The following MAP3K5 variants were observed in gnomAD, a reference collection of about 807,000 sequenced individuals.
MAP3K5 encodes ASK-1.
A neutral mutation model predicts 158.7 loss-of-function variants in MAP3K5; 56 were observed. The observed-to-expected ratio is 0.35, with a 90% CI of 0.28 to 0.44. MAP3K5 has a LOEUF of 0.44. MAP3K5 is among the 20% of genes least tolerant of loss of function. MAP3K5 has a pLI of 1.00. For missense variants in MAP3K5, 1,294 were observed against 1,674.8 expected (o/e 0.77, Z 3.97); for synonymous variants, 579 against 601.7 (o/e 0.96, Z 0.55).
At chr6:136,746,124 T>C (rs1318350131) in intron 1 of MAP3K5, among the ~76,000 whole-genome samples, 8 of 152,188 alleles carry the variant, frequency 5.3e-5, no homozygotes, top group Non-Finnish European at 1.2e-4. Flanking sequence ...CTTCAAATGA[T>C]TTAATATCTT....
intron 23 of MAP3K5, among the ~76,000 whole-genome samples, chr6:136,584,714 A>T (rs1165977088): frequency 6.6e-6 from 1 of 152,176 alleles, no homozygotes; most frequent in African/African-American, 2.4e-5. Context: ...GAAGTGGACA[A>T]GAACAGAAAT....
At chr6:136,659,147 T>G in intron 9 of MAP3K5, 72 bp downstream of exon 9, 1 of 1,285,062 alleles carries the variant, frequency 7.8e-7, no homozygotes, top group South Asian at 1.4e-5. Context: ...AATTGTCAGT[T>G]CAATAAATAT....
intron 18 of MAP3K5, among the ~76,000 whole-genome samples, chr6:136,607,776 GC>G (rs1380333820): frequency 3.3e-5 from 5 of 152,178 alleles, no homozygotes; most frequent in Non-Finnish European, 5.9e-5. Flanking sequence ...TATGGGCCAG[GC>G]ACTGTTCTAG....
chr6:136,774,578 A>G (rs1316694899), intron 1 of MAP3K5, among the ~76,000 whole-genome samples: 1 of 152,250 alleles, frequency 6.6e-6, no homozygotes, highest in Non-Finnish European at 1.5e-5. Context: ...ATTGTATTCT[A>G]CAAACATCAT....
Position 136,756,717 on chromosome 6 carries a change from C to A in MAP3K5, c.448+34993G>T, listed in dbSNP as rs571265760. Among the ~76,000 whole-genome samples, 13 of 152,320 alleles carry A rather than the reference C, an allele frequency of 8.5e-5. No homozygotes were observed. In the South Asian group the frequency reaches 2.7e-3, roughly 32 times the overall value. On this transcript the variant is annotated intron_variant, in intron 1 of 29. Transcript: ENST00000359015. ...TACTATTGGATGCTTAAAGGCCCTG[C>A]CGATTCATCACAAGACAGTTTCCAC...
At chr6:136,767,633 G>A (rs1420122353) in intron 1 of MAP3K5, among the ~76,000 whole-genome samples, 1 of 152,046 alleles carries the variant, frequency 6.6e-6, no homozygotes, top group Non-Finnish European at 1.5e-5. Context: ...AAAGAATATC[G>A]GGGACAGTTA....
intron 2 of MAP3K5, among the ~76,000 whole-genome samples, chr6:136,719,631 T>G (rs1781668352): frequency 6.6e-6 from 1 of 152,200 alleles, no homozygotes; most frequent in African/African-American, 2.4e-5. Context: ...TTAGAGATAC[T>G]CATATAACAA....
chr6:136,764,802 T>A (rs932007537), intron 1 of MAP3K5, among the ~76,000 whole-genome samples: 10 of 152,262 alleles, frequency 6.6e-5, no homozygotes, highest in African/African-American at 2.4e-4. Flanking sequence ...TGCTAAGACA[T>A]CAGCTTTCTC....
intron 1 of MAP3K5, among the ~76,000 whole-genome samples, chr6:136,790,571 C>A (rs2115077964): frequency 6.6e-6 from 1 of 152,304 alleles, no homozygotes; most frequent in African/African-American, 2.4e-5. Context: ...ACATGAAGGT[C>A]TTGTTGTTCT....
chr6:136,769,102 G>A (rs1250021159), intron 1 of MAP3K5, among the ~76,000 whole-genome samples: 2 of 152,112 alleles, frequency 1.3e-5, no homozygotes, highest in East Asian at 3.8e-4. Context: ...ACAATCCAAA[G>A]GTCCATCAGC....
intron 1 of MAP3K5, among the ~76,000 whole-genome samples, chr6:136,722,862 A>G (rs893948216): frequency 6.6e-6 from 1 of 151,224 alleles, no homozygotes; most frequent in African/African-American, 2.4e-5. Context: ...AATTTTTTAA[A>G]ATTTTTTGTA....
Position 136,642,030 on chromosome 6 carries a change from A to AAAAATAAAAT in MAP3K5, c.1838+480_1838+489dup, listed in dbSNP as rs57982866. Among the ~76,000 whole-genome samples, 447 of 119,276 alleles carry AAAAATAAAAT rather than the reference A, an allele frequency of 3.7e-3. 1 individual carries two copies. The highest frequency in any genetic ancestry group is 6.4e-3 in the East Asian group (24 of 3,748). The allele number at this position is 119,276 out of a possible 152,430, so 78.2% of individuals were successfully genotyped here. A position where few individuals can be genotyped will look rare whatever the true frequency, so the allele number is the denominator to read the frequency against. On this transcript the variant is annotated intron_variant, in intron 12 of 29. Coordinates refer to ENST00000359015, the MANE Select transcript of MAP3K5 (RefSeq NM_005923.4). ...TAAAATAAAATAAATAAAATAAAATAAAAATAAAATAAAATAAAATAAAAT... is the reference window on the plus strand; with the variant it reads ...TAAAATAAAATAAATAAAATAAAATAAAAATAAAATAAAATAAAATAAAATAAAATAAAAT...
chr6:136,792,065 C>A lies in MAP3K5; in HGVS notation c.93G>T (p.Arg31Ser). Residue 31 changes from arginine to serine, a missense_variant, in exon 1 of 30, where the codon AGG becomes AGT. Around this residue, in one of 5 missense-constraint regions of MAP3K5, gnomAD observed 690 missense variants for 870.5 expected, o/e 0.79. Transcript: ENST00000359015. The surrounding 1 kb of genome is among the most constrained non-coding windows in gnomAD (Gnocchi z 5.7). ...CGCCCACCGCCGCCGCTCCTCCCCTCCTGCAGATGCCGCCCTCGGGGATGG... is the reference window on the plus strand; with the variant it reads ...CGCCCACCGCCGCCGCTCCTCCCCTACTGCAGATGCCGCCCTCGGGGATGG... ...FCTIPEGGIC[R>S]RGGAAAVGEG... The A allele has an allele frequency of 6.4e-7, 1 of 1,567,394 alleles. No individual in the cohort carries two copies. The highest frequency in any genetic ancestry group is 8.6e-7 in the Non-Finnish European group (1 of 1,162,138).
At position 136,694,319 on chromosome 6, in the gene MAP3K5, G is replaced by T; in HGVS notation, c.1083-9C>A. 6.2e-7 allele frequency: 1 copy of T among 1,604,066 alleles called. No individual in the cohort carries two copies. The highest frequency in any genetic ancestry group is 8.5e-7 in the Non-Finnish European group (1 of 1,177,774). On this transcript the variant is annotated splice_polypyrimidine_tract_variant and intron_variant, in intron 6 of 29. Coordinates refer to ENST00000359015, the MANE Select transcript of MAP3K5 (RefSeq NM_005923.4). The stretch of plus-strand genomic sequence containing the variant: ...CACCAGGGAGATTTCTCCTAAGGCA[G>T]AAAACATTGTTGTTTCAATATACAT...
chr6:136,737,493 A>G (rs955702416), intron 1 of MAP3K5, among the ~76,000 whole-genome samples: 18 of 152,212 alleles, frequency 1.2e-4, no homozygotes, highest in Non-Finnish European at 2.4e-4. Flanking sequence ...CTGAATAGAG[A>G]CAACAGACCA....
chr6:136,565,911 A>C (rs1774084902), intron 26 of MAP3K5, among the ~76,000 whole-genome samples: 1 of 152,236 alleles, frequency 6.6e-6, no homozygotes, highest in African/African-American at 2.4e-5. Context: ...ACAGACTCAA[A>C]TGTAAATATG....
intron 3 of MAP3K5, among the ~76,000 whole-genome samples, chr6:136,700,863 G>C (rs539228661): frequency 1.3e-5 from 2 of 152,156 alleles, no homozygotes; most frequent in African/African-American, 4.8e-5. Context: ...TGGGACACCC[G>C]ACTACTGCCG....
intron 10 of MAP3K5, 26 bp from the exon 11 acceptor site, chr6:136,651,117 AAT>A: frequency 7.8e-7 from 1 of 1,274,872 alleles, no homozygotes; most frequent in South Asian, 1.2e-5. Flanking sequence ...CAAAGAAACT[AAT>A]ATCAGTGACT....
In MAP3K5 at chr6:136,791,938, T is replaced by C. The variant is rs756097864; in HGVS notation, c.220A>G (p.Ser74Gly). The C allele has an allele frequency of 4.3e-6, 7 of 1,611,618 alleles. No homozygotes were observed. The highest frequency in any genetic ancestry group is 5.9e-6 in the Non-Finnish European group (7 of 1,179,270). Residue 74 changes from serine (S) to glycine (G), a missense_variant, in exon 1 of 30, where the codon AGC becomes GGC. Ser to Gly is a moderately conservative substitution (Grantham distance 56). Transcript: ENST00000359015. ...GIGCPAATSS[S>G]SATRGRGSSV... ...CTGCCCCGGCCTCGGGTGGCACTGCTCGAGGAGGTGGCCGCCGGACAACCG... is the reference window on the plus strand; with the variant it reads ...CTGCCCCGGCCTCGGGTGGCACTGCCCGAGGAGGTGGCCGCCGGACAACCG...
Sources: allele counts gnomAD v4.1 joint callset (sites outside exome capture counted in the v4.1 genomes callset), GRCh38; gene constraint gnomAD v4.1.1; regional missense constraint gnomAD v4.1.1; non-coding constraint Gnocchi (gnomAD v3.1); transcripts MANE v1.5; gene names NCBI Gene and HGNC (gene_info 2026-07-23, HGNC 2026-07-21).